Variants in PLEKHA3 observed in about 807,000 individuals in gnomAD.
PLEKHA3 encodes pleckstrin homology domain containing A3, also known as pleckstrin homology domain-containing family A member 3.
PLEKHA3 carries 19 observed loss-of-function variants against 39.2 expected under a neutral mutation model. That is an observed-to-expected ratio of 0.48 (90% confidence interval 0.34 to 0.71). The LOEUF is 0.71. Ranked by LOEUF, PLEKHA3 falls within the 30% of genes least tolerant of loss-of-function variation. PLEKHA3 has a pLI of 0.01. For synonymous variants in PLEKHA3, 97 were observed against 118.6 expected (o/e 0.82, Z 1.18); for missense variants, 253 against 359.5 (o/e 0.70, Z 2.40).
At chr2:178,493,071 T>A (rs1304299444) in intron 3 of PLEKHA3, among the ~76,000 whole-genome samples, 1 of 152,192 alleles carries the variant, frequency 6.6e-6, no homozygotes, top group East Asian at 1.9e-4. Flanking sequence ...GCAAGACCAC[T>A]GGGGCCTGGC....
chr2:178,487,909 T>A (rs1685276936), intron 2 of PLEKHA3, among the ~76,000 whole-genome samples: 2 of 152,360 alleles, frequency 1.3e-5, no homozygotes, highest in Middle Eastern at 6.8e-3. Flanking sequence ...TAGTGGTATC[T>A]CATGGTGGTT....
rs1214063944 is a variant in PLEKHA3 at position 178,503,987 on chromosome 2, A to G, written c.*100A>G. 4 of 1,270,358 alleles carry G rather than the reference A, an allele frequency of 3.1e-6. No homozygotes were observed. The highest frequency in any genetic ancestry group is 4.4e-6 in the Non-Finnish European group (4 of 907,898). 78.7% of individuals were successfully genotyped at this position (1,270,358 alleles called of 1,614,324 possible). A position where few individuals can be genotyped will look rare whatever the true frequency, so the allele number is the denominator to read the frequency against. ...GTAGTTTTTTCCCTTAGGACTCTGC[A>G]CTTTATAGAATGTTGTAAAACAGAC... On this transcript the variant is annotated 3_prime_UTR_variant, in exon 8 of 8. Transcript: ENST00000234453.
chr2:178,486,947 A>G (rs1685259619), intron 2 of PLEKHA3, among the ~76,000 whole-genome samples: 1 of 152,260 alleles, frequency 6.6e-6, no homozygotes, highest in African/African-American at 2.4e-5. Context: ...ATGTTAAAGA[A>G]AAAAGTATTC....
In PLEKHA3 at chr2:178,480,863, C is replaced by G; in HGVS notation, c.-7C>G. ...CCGGGAGGATGCGCGGTGTGGGGCT[C>G]TGAAGCATGGAGGGGGTGTTGTACA... On this transcript the variant is annotated 5_prime_UTR_variant, in exon 1 of 8. Transcript: ENST00000234453. 7.6e-7 allele frequency: 1 copy of G among 1,318,672 alleles called. No homozygotes were observed. The highest frequency in any genetic ancestry group is 9.7e-7 in the Non-Finnish European group (1 of 1,025,728). 81.7% of individuals were successfully genotyped at this position (1,318,672 alleles called of 1,614,324 possible).
chr2:178,485,986 T>G (rs1374800288), intron 2 of PLEKHA3, among the ~76,000 whole-genome samples: 2 of 152,232 alleles, frequency 1.3e-5, no homozygotes. Context: ...CTTTTGCTAG[T>G]CTTCCAATTT....
intron 5 of PLEKHA3, among the ~76,000 whole-genome samples, chr2:178,495,878 G>GC: frequency 6.6e-6 from 1 of 152,160 alleles, no homozygotes; most frequent in East Asian, 1.9e-4. Context: ...TCCTTGGAGG[G>GC]GCTGTGCATG....
At chr2:178,491,203 G>T (rs1340102700) in intron 3 of PLEKHA3, among the ~76,000 whole-genome samples, 1 of 152,012 alleles carries the variant, frequency 6.6e-6, no homozygotes, top group African/African-American at 2.4e-5. Flanking sequence ...TAGAGACGGG[G>T]TTTCACCATG....
rs1685716688 is a variant in PLEKHA3, at chr2:178,513,474, T to G, written c.*9587T>G. 6.6e-6 allele frequency: 1 copy of G among 152,204 alleles called. No homozygotes were observed. Among genetic ancestry groups the G allele is most frequent in the Non-Finnish European group, 1.5e-5 (1 of 68,036 alleles). 9.4% of individuals were successfully genotyped at this position (152,204 alleles called of 1,614,324 possible). On this transcript the variant is annotated 3_prime_UTR_variant, in exon 8 of 8. Coordinates refer to ENST00000234453, the MANE Select transcript of PLEKHA3 (RefSeq NM_019091.4). ...CTCTATGCAAGGAACTGTGGATTGC[T>G]TTTTTCTGGATAGCTAGAACGAGGC...
Position 178,480,897 on chromosome 2 carries a change from A to G in PLEKHA3, c.28A>G (p.Asn10Asp). The change falls in exon 1 of 8, where the codon AAC becomes GAC. Residue 10 changes from asparagine to aspartate, a missense_variant. Asn to Asp is a conservative substitution (Grantham distance 23). Coordinates refer to ENST00000234453, the MANE Select transcript of PLEKHA3 (RefSeq NM_019091.4). ...GGAGGGGGTGTTGTACAAGTGGACCAACTATCTCACAGGTATGGGGGCTCG... is the reference window on the plus strand; with the variant it reads ...GGAGGGGGTGTTGTACAAGTGGACCGACTATCTCACAGGTATGGGGGCTCG... MEGVLYKWT[N>D]YLTGWQPRWF... The G allele has an allele frequency of 1.5e-6, 2 of 1,313,722 alleles. No homozygotes were observed. Among genetic ancestry groups the G allele is most frequent in the Non-Finnish European group, 9.8e-7 (1 of 1,022,040 alleles). The allele number at this position is 1,313,722 out of a possible 1,614,324, so 81.4% of individuals were successfully genotyped here. A position where few individuals can be genotyped will look rare whatever the true frequency, so the allele number is the denominator to read the frequency against.
rs911149855 is a variant in PLEKHA3, at chr2:178,506,216, A to G, written c.*2329A>G. 11 of 152,044 alleles carry G rather than the reference A, an allele frequency of 7.2e-5. No individual in the cohort carries two copies. The highest frequency in any genetic ancestry group is 1.9e-4 in the African/African-American group (8 of 41,402). 9.4% of individuals were successfully genotyped at this position (152,044 alleles called of 1,614,324 possible). The stretch of plus-strand genomic sequence containing the variant: ...CCCTTTTTTTTGCTTTGTCTAGGTC[A>G]TGGGGTTATTGAGAAACATGAAAAG... On this transcript the variant is annotated 3_prime_UTR_variant, in exon 8 of 8. Transcript: ENST00000234453.
At position 178,495,496 on chromosome 2, in the gene PLEKHA3, A is replaced by G; in HGVS notation, c.451A>G (p.Asn151Asp). 1 of 1,613,852 alleles carries G rather than the reference A, an allele frequency of 6.2e-7. No individual in the cohort carries two copies. Among genetic ancestry groups the G allele is most frequent in the Non-Finnish European group, 8.5e-7 (1 of 1,179,930 alleles). The change falls in exon 5 of 8, where the codon AAC becomes GAC. Residue 151 changes from asparagine (N) to aspartate (D), a missense_variant and splice_region_variant. Asn to Asp is a conservative substitution (Grantham distance 23). Coordinates refer to ENST00000234453, the MANE Select transcript of PLEKHA3 (RefSeq NM_019091.4). ...DENHSSPSAE[N>D]MNEASSLLSA... ...TTCAAGTCTTTGTGTAATTTTTCAG[A>G]ACATGAATGAAGCCTCTTCTCTGCT... is the stretch of plus-strand genomic sequence containing the variant.
chr2:178,483,631 C>A (rs1010407841), intron 1 of PLEKHA3, among the ~76,000 whole-genome samples: 2 of 152,146 alleles, frequency 1.3e-5, no homozygotes, highest in Non-Finnish European at 2.9e-5. Context: ...GCACACTAGA[C>A]CTGGGTGGAG....
chr2:178,503,370 GTTTC>G (rs1358237593), intron 7 of PLEKHA3, among the ~76,000 whole-genome samples: 1 of 151,924 alleles, frequency 6.6e-6, no homozygotes, highest in Admixed American at 6.6e-5. Flanking sequence ...ATGGGTCTTG[GTTTC>G]TTTGCCTAGG....
At chr2:178,503,039 G>A (rs540788876) in intron 7 of PLEKHA3, among the ~76,000 whole-genome samples, 36 of 152,076 alleles carry the variant, frequency 2.4e-4, no homozygotes, top group African/African-American at 8.4e-4. Flanking sequence ...TATTCTTCTT[G>A]TGAGATGCAA....
chr2:178,501,528 T>C (rs915544114), intron 7 of PLEKHA3, among the ~76,000 whole-genome samples: 1 of 151,986 alleles, frequency 6.6e-6, no homozygotes, highest in Non-Finnish European at 1.5e-5. Context: ...AGTTCCAAGT[T>C]CATATAAAAG....
At position 178,511,026 on chromosome 2, in the gene PLEKHA3, T is replaced by C. The variant is rs1030429347; in HGVS notation, c.*7139T>C. 2.6e-5 allele frequency: 4 copies of C among 152,178 alleles called. No homozygotes were observed. Among genetic ancestry groups the C allele is most frequent in the African/African-American group, 9.7e-5 (4 of 41,420 alleles). The allele number at this position is 152,178 out of a possible 1,614,324, so 9.4% of individuals were successfully genotyped here. A position where few individuals can be genotyped will look rare whatever the true frequency, so the allele number is the denominator to read the frequency against. On this transcript the variant is annotated 3_prime_UTR_variant, in exon 8 of 8. Coordinates refer to ENST00000234453, the MANE Select transcript of PLEKHA3 (RefSeq NM_019091.4). ...AGGTTTTTAAATCTCTTTCAGATAT[T>C]TTAAGTATCTTTTTTGTGTCTGGAT...
intron 5 of PLEKHA3, among the ~76,000 whole-genome samples, chr2:178,495,948 C>T (rs1685436927): frequency 6.6e-6 from 1 of 152,206 alleles, no homozygotes; most frequent in Non-Finnish European, 1.5e-5. Flanking sequence ...TTACAAAGTG[C>T]TGTGACAAAG....
At chr2:178,497,961 G>A (rs990399127) in intron 5 of PLEKHA3, among the ~76,000 whole-genome samples, 4 of 151,336 alleles carry the variant, frequency 2.6e-5, no homozygotes, top group Non-Finnish European at 4.4e-5. Context: ...AAATAACATT[G>A]TTTATTTATT....
At chr2:178,499,997 C>G (rs1406152440) in intron 6 of PLEKHA3, among the ~76,000 whole-genome samples, 2 of 152,102 alleles carry the variant, frequency 1.3e-5, no homozygotes, top group Non-Finnish European at 2.9e-5. Context: ...AGAGAAAGAT[C>G]TTGCTGAAGA....
Sources: gnomAD v4.1 joint callset for allele counts (sites outside exome capture counted in the v4.1 genomes callset) on GRCh38, gnomAD v4.1.1 for gene constraint, MANE v1.5 for transcripts, NCBI Gene and HGNC (gene_info 2026-07-23, HGNC 2026-07-21) for gene names.